Variants in DCLK2 observed in about 807,000 individuals in gnomAD.
DCLK2 encodes the protein doublecortin like kinase 2.
DCLK2 carries 31 observed loss-of-function variants against 78.4 expected under a neutral mutation model. The ratio of observed to expected loss-of-function variants is 0.40; its 90% CI spans 0.30 to 0.53. The LOEUF is 0.53. DCLK2 is among the 20% of genes least tolerant of loss of function. The pLI, the probability that DCLK2 is intolerant of heterozygous loss-of-function variation, is 0.61. For missense variants in DCLK2, 872 were observed against 973.7 expected (o/e 0.90, Z 1.39); for synonymous variants, 407 against 374.9 (o/e 1.09, Z -0.99).
At chr4:150,131,341 G>A (rs1733298452) in intron 2 of DCLK2, among the ~76,000 whole-genome samples, 1 of 152,144 alleles carries the variant, frequency 6.6e-6, no homozygotes, top group South Asian at 2.1e-4. Context: ...AAATGTTTTT[G>A]TTGAATTACA....
intron 2 of DCLK2, among the ~76,000 whole-genome samples, chr4:150,168,150 T>G (rs1184032271): frequency 6.6e-6 from 1 of 152,136 alleles, no homozygotes; most frequent in Non-Finnish European, 1.5e-5. Context: ...GAGACCATCC[T>G]GGCTAACACA....
At position 150,229,372 on chromosome 4, in the gene DCLK2, G is replaced by A. The variant is rs1260393939; in HGVS notation, c.1300-2965G>A. Among the ~76,000 whole-genome samples, 5 of 152,264 alleles carry A rather than the reference G, an allele frequency of 3.3e-5. No individual in the cohort carries two copies. In the East Asian group the frequency reaches 9.7e-4, roughly 29 times the overall value. On this transcript the variant is annotated intron_variant, in intron 8 of 15. Coordinates refer to ENST00000296550, the MANE Select transcript of DCLK2 (RefSeq NM_001040260.4). ...GCAAATGCCTAGAAGTCTAGGTAAG[G>A]GATTGGCAAGAGGAACAGAGAGAAC... is the stretch of plus-strand genomic sequence containing the variant.
intron 2 of DCLK2, among the ~76,000 whole-genome samples, chr4:150,140,804 A>G (rs576768174): frequency 6.6e-6 from 1 of 152,334 alleles, no homozygotes; most frequent in Non-Finnish European, 1.5e-5. Context: ...ATAACGATGC[A>G]ATGATTGGTA....
intron 2 of DCLK2, among the ~76,000 whole-genome samples, chr4:150,186,742 C>A (rs891437011): frequency 3.9e-5 from 6 of 152,114 alleles, no homozygotes; most frequent in Non-Finnish European, 2.9e-5. Flanking sequence ...AATACGTAGT[C>A]CCAGGCTGGG....
chr4:150,211,659 T>C (rs533090008), intron 5 of DCLK2, among the ~76,000 whole-genome samples: 1 of 152,270 alleles, frequency 6.6e-6, no homozygotes, highest in East Asian at 1.9e-4. Flanking sequence ...TTTTATTGCT[T>C]TGTTCTCCTT....
chr4:150,253,015 G>A (rs532064705), intron 15 of DCLK2, among the ~76,000 whole-genome samples: 44 of 152,282 alleles, frequency 2.9e-4, no homozygotes, highest in South Asian at 6.2e-4. Flanking sequence ...CTCCCCTGGC[G>A]CAGGACCTGG....
At chr4:150,201,562 A>C (rs1451594713) in intron 4 of DCLK2, among the ~76,000 whole-genome samples, 1 of 152,202 alleles carries the variant, frequency 6.6e-6, no homozygotes, top group Non-Finnish European at 1.5e-5. Context: ...ATACCAGTTA[A>C]ATCCCTGGCA....
rs547223948 is a variant in DCLK2, at chr4:150,257,419, C to T, written c.*1172C>T. On this transcript the variant is annotated 3_prime_UTR_variant, in exon 16 of 16. Transcript: ENST00000296550. Reference sequence around the variant, plus strand: ...ACAAGTGTCCCCAACCTGCAATAAACTTTTCCCTCTTGAAAAAAAGTAATC... The same window carrying T: ...ACAAGTGTCCCCAACCTGCAATAAATTTTTCCCTCTTGAAAAAAAGTAATC... 3.1e-4 allele frequency: 48 copies of T among 152,728 alleles called. No homozygotes were observed. The highest frequency in any genetic ancestry group is 1.1e-3 in the African/African-American group (46 of 41,564). The allele number at this position is 152,728 out of a possible 1,614,324, so 9.5% of individuals were successfully genotyped here. A position where few individuals can be genotyped will look rare whatever the true frequency, so the allele number is the denominator to read the frequency against.
intron 4 of DCLK2, chr4:150,198,915 C>CCT: frequency 3.4e-6 from 2 of 579,722 alleles, no homozygotes; most frequent in Non-Finnish European, 5.9e-6. Context: ...TCAGCACCCC[C>CCT]CCCCCCACTT....
intron 5 of DCLK2, among the ~76,000 whole-genome samples, chr4:150,210,031 T>C (rs1452749539): frequency 6.6e-6 from 1 of 152,144 alleles, no homozygotes; most frequent in Admixed American, 6.5e-5. Context: ...GCCGAGATCC[T>C]GCCACTTCAT....
At chr4:150,191,301 A>G (rs1322254707) in intron 2 of DCLK2, among the ~76,000 whole-genome samples, 3 of 151,958 alleles carry the variant, frequency 2.0e-5, no homozygotes, top group Non-Finnish European at 4.4e-5. Flanking sequence ...GCTGAGTGGT[A>G]CGTGATCACC....
At chr4:150,098,342 A>T (rs1730612381) in intron 1 of DCLK2, among the ~76,000 whole-genome samples, 1 of 152,124 alleles carries the variant, frequency 6.6e-6, no homozygotes, top group Non-Finnish European at 1.5e-5. Context: ...ACTTCGTATG[A>T]TATAGTCTGT....
chr4:150,179,536 G>A (rs1737350500), intron 2 of DCLK2, among the ~76,000 whole-genome samples: 1 of 152,094 alleles, frequency 6.6e-6, no homozygotes, highest in Admixed American at 6.5e-5. Flanking sequence ...TTGATTCCAA[G>A]GGTCTTAACT....
Position 150,079,349 on chromosome 4 carries a change from C to G in DCLK2, c.322C>G (p.Arg108Gly). Reference sequence around the variant, plus strand: ...CGATGCGCTCCTCATAGAGCTCACCCGCTCCCTGTCGGACAACGTGAACCT... The same window carrying G: ...CGATGCGCTCCTCATAGAGCTCACCGGCTCCCTGTCGGACAACGTGAACCT... The part of the protein sequence containing the change: ...SFDALLIELT[R>G]SLSDNVNLPQ... The change falls in exon 1 of 16, where the codon CGC (arginine) becomes GGC (glycine). Residue 108 changes from arginine (R) to glycine (G), a missense_variant. Arg to Gly is a moderately radical substitution (Grantham distance 125). Transcript: ENST00000296550. 2 of 1,587,142 alleles carry G rather than the reference C, an allele frequency of 1.3e-6. No individual in the cohort carries two copies.
Position 150,172,764 on chromosome 4 carries a change from G to GTTT in DCLK2, c.757-20374_757-20373insTTT, listed in dbSNP as rs747350294. Among the ~76,000 whole-genome samples the GTTT allele has an allele frequency of 4.3e-4, 55 of 128,080 alleles. 3 individuals carry two copies. Among genetic ancestry groups the GTTT allele is most frequent in the East Asian group, 8.8e-4 (4 of 4,528 alleles). 84.0% of individuals were successfully genotyped at this position (128,080 alleles called of 152,430 possible). Reference sequence around the variant, plus strand: ...AGAGAGTGTTCTTTTTTTTTTTGGGGGGGGGGGGGATACCTTGCTCTTTCT... The same window carrying GTTT: ...AGAGAGTGTTCTTTTTTTTTTTGGGGTTTGGGGGGGGGATACCTTGCTCTTTCT... On this transcript the variant is annotated intron_variant, in intron 2 of 15. Coordinates refer to ENST00000296550, the MANE Select transcript of DCLK2 (RefSeq NM_001040260.4).
At chr4:150,223,789 T>C (rs1466276349) in intron 7 of DCLK2, among the ~76,000 whole-genome samples, 1 of 148,354 alleles carries the variant, frequency 6.7e-6, no homozygotes, top group Non-Finnish European at 1.5e-5. Context: ...TCAAGATTCT[T>C]ATATCCATGC....
At chr4:150,184,601 C>CTT (rs746012032) in intron 2 of DCLK2, among the ~76,000 whole-genome samples, 1 of 43,976 alleles carries the variant, frequency 2.3e-5, no homozygotes, top group Non-Finnish European at 3.7e-5. Flanking sequence ...TCTTCTTCTT[C>CTT]TTTTTTTTTT....
intron 2 of DCLK2, among the ~76,000 whole-genome samples, chr4:150,111,002 T>C (rs1731651212): frequency 6.6e-6 from 1 of 151,948 alleles, no homozygotes; most frequent in Admixed American, 6.6e-5. Flanking sequence ...AGATACCCAG[T>C]AGTGAGGTTG....
At chr4:150,138,953 G>T (rs934244342) in intron 2 of DCLK2, among the ~76,000 whole-genome samples, 11 of 151,640 alleles carry the variant, frequency 7.3e-5, no homozygotes, top group African/African-American at 2.4e-4. Context: ...TGTGAGCCAC[G>T]GCGCCTGGCC....
Sources: gnomAD v4.1 joint callset for allele counts (sites outside exome capture counted in the v4.1 genomes callset) on GRCh38, gnomAD v4.1.1 for gene constraint, MANE v1.5 for transcripts, NCBI Gene and HGNC (gene_info 2026-07-23, HGNC 2026-07-21) for gene names.